PLEKHA2: variants seen among roughly 807,000 people sequenced by gnomAD.
PLEKHA2 encodes the protein pleckstrin homology domain-containing family A member 2.
A neutral mutation model predicts 53.2 loss-of-function variants in PLEKHA2; 28 were observed. That is an observed-to-expected ratio of 0.53 (90% CI 0.39 to 0.72). The LOEUF (loss-of-function observed/expected upper bound fraction) is 0.72. Ranked by LOEUF, PLEKHA2 falls within the 30% of genes least tolerant of loss-of-function variation. The pLI is 0.00. For missense variants in PLEKHA2, 426 were observed against 537.9 expected (o/e 0.79, Z 2.06); for synonymous variants, 193 against 196.4 (o/e 0.98, Z 0.14).
At chr8:38,953,032 G>C (rs887193237) in intron 8 of PLEKHA2, among the ~76,000 whole-genome samples, 11 of 152,138 alleles carry the variant, frequency 7.2e-5, no homozygotes, top group Admixed American at 5.9e-4. Flanking sequence ...GTAGAGACAG[G>C]ATTTCACTAT....
At chr8:38,904,910 G>A (rs1380137441) in intron 1 of PLEKHA2, among the ~76,000 whole-genome samples, 1 of 152,118 alleles carries the variant, frequency 6.6e-6, no homozygotes, top group African/African-American at 2.4e-5. Flanking sequence ...CCAATGTCTG[G>A]GTGTCCAGCA....
At position 38,950,672 on chromosome 8, in the gene PLEKHA2, C is replaced by T. The variant is rs983813444; in HGVS notation, c.346-178C>T. 3.9e-5 allele frequency: 25 copies of T among 636,810 alleles called. No homozygotes were observed. In the East Asian group the frequency reaches 5.7e-4, roughly 14 times the overall value. The allele number at this position is 636,810 out of a possible 1,614,324, so 39.4% of individuals were successfully genotyped here. A position where few individuals can be genotyped will look rare whatever the true frequency, so the allele number is the denominator to read the frequency against. ...AGTTTGTATCTGTGTAGGGGGAGGG[C>T]GTTGCTGGTTGAGATGCTCATATTC... On this transcript the variant is annotated intron_variant, in intron 5 of 11. Transcript: ENST00000617275.
intron 6 of PLEKHA2, 95 bp from the exon 7 acceptor site, chr8:38,952,071 G>A (rs1834853845): frequency 7.0e-7 from 1 of 1,438,274 alleles, no homozygotes. Flanking sequence ...TTTGACTTAG[G>A]GCAAAGAGGC....
chr8:38,959,439 C>T (rs1380949375), intron 10 of PLEKHA2, among the ~76,000 whole-genome samples: 2 of 152,148 alleles, frequency 1.3e-5, no homozygotes, highest in African/African-American at 4.8e-5. Flanking sequence ...AGAGGTTAAA[C>T]AAAGGGCTTG....
At chr8:38,948,973 C>T (rs1027843774) in intron 5 of PLEKHA2, among the ~76,000 whole-genome samples, 4 of 152,054 alleles carry the variant, frequency 2.6e-5, no homozygotes, top group Admixed American at 1.3e-4. Flanking sequence ...TGGGTTCAAG[C>T]GATTCTCCTG....
chr8:38,906,882 C>T (rs760772850), intron 1 of PLEKHA2, among the ~76,000 whole-genome samples: 18 of 152,128 alleles, frequency 1.2e-4, no homozygotes, highest in Admixed American at 2.0e-4. Context: ...TGACATGGTC[C>T]GTATGTATTC....
chr8:38,950,563 T>G, intron 5 of PLEKHA2: 1 of 293,764 alleles, frequency 3.4e-6, no homozygotes, highest in Non-Finnish European at 6.3e-6. Context: ...GGGACCCACG[T>G]GTGTTTCGCT....
intron 2 of PLEKHA2, among the ~76,000 whole-genome samples, chr8:38,930,486 G>A (rs1437211840): frequency 2.0e-5 from 3 of 152,180 alleles, no homozygotes; most frequent in Admixed American, 6.5e-5. Context: ...TTACAGGCGT[G>A]AGCCACCACG....
rs574597249 is a variant in PLEKHA2, at chr8:38,907,322, ATTAT to A, written c.-24+5882_-24+5885del. Reference sequence around the variant, plus strand: ...TTTATCTCTGTTATCACTTTCTCTTATTATTTATCTCAAAAATGCTAAAGTAGTC... The same window carrying A: ...TTTATCTCTGTTATCACTTTCTCTTATTATCTCAAAAATGCTAAAGTAGTC... On this transcript the variant is annotated intron_variant, in intron 1 of 11. Transcript: ENST00000617275. Among the ~76,000 whole-genome samples, 913 of 152,248 alleles carry A rather than the reference ATTAT, an allele frequency of 6.0e-3. 3 individuals carry two copies. Among genetic ancestry groups the A allele is most frequent in the Admixed American group, 0.017 (253 of 15,286 alleles).
chr8:38,942,548 A>G (rs1834631607), intron 3 of PLEKHA2, among the ~76,000 whole-genome samples: 1 of 152,038 alleles, frequency 6.6e-6, no homozygotes, highest in Non-Finnish European at 1.5e-5. Context: ...CTGGAGGGGG[A>G]TGGAGAGAAT....
In PLEKHA2 at chr8:38,901,439, C is replaced by CG. The variant is rs71216693; in HGVS notation, c.-24+1dup. 133,707 of 150,772 alleles carry CG rather than the reference C, an allele frequency of 0.89. 59,811 individuals carry two copies. The highest frequency in any genetic ancestry group is 1 in the East Asian group (4,967 of 4,982). The allele number at this position is 150,772 out of a possible 1,614,324, so 9.3% of individuals were successfully genotyped here. A position where few individuals can be genotyped will look rare whatever the true frequency, so the allele number is the denominator to read the frequency against. ...CCCCGCCCGAGCCCCGGCCCCTGCACGGGGGGGTAAGTTGGGCGCCCTCGC... is the reference window on the plus strand; with the variant it reads ...CCCCGCCCGAGCCCCGGCCCCTGCACGGGGGGGGTAAGTTGGGCGCCCTCGC... On this transcript the variant is annotated 5_prime_UTR_variant, in exon 1 of 12. Transcript: ENST00000617275.
chr8:38,940,325 G>GAA (rs1834581464), intron 3 of PLEKHA2, among the ~76,000 whole-genome samples: 1 of 152,110 alleles, frequency 6.6e-6, no homozygotes, highest in South Asian at 2.1e-4. Context: ...CTTGAACCTG[G>GAA]GGGGCGGAGG....
chr8:38,960,881 A>G (rs903724230), intron 10 of PLEKHA2: 2 of 152,256 alleles, frequency 1.3e-5, no homozygotes, highest in African/African-American at 4.8e-5. Context: ...TTACATTAAA[A>G]TCCATTGGTC....
chr8:38,968,525 T>A (rs1337966158), intron 10 of PLEKHA2, 67 bp from the exon 11 acceptor site: 10 of 1,482,736 alleles, frequency 6.7e-6, no homozygotes, highest in Non-Finnish European at 9.4e-6. Flanking sequence ...TAATATTGAG[T>A]CAGAGACTTG....
chr8:38,950,285 T>C (rs575528577), intron 5 of PLEKHA2, among the ~76,000 whole-genome samples: 2 of 152,192 alleles, frequency 1.3e-5, no homozygotes, highest in East Asian at 1.9e-4. Flanking sequence ...CCTCCTGCCT[T>C]GGCCTCCCAA....
At chr8:38,940,378 G>A (rs569347854) in intron 3 of PLEKHA2, among the ~76,000 whole-genome samples, 1 of 152,224 alleles carries the variant, frequency 6.6e-6, no homozygotes, top group South Asian at 2.1e-4. Context: ...CAGCCTGGGT[G>A]ACAGAGCAAG....
rs1352442507 is a variant in PLEKHA2, at chr8:38,901,458, C to A, written c.-24+13C>A. On this transcript the variant is annotated intron_variant, in intron 1 of 11. Coordinates refer to ENST00000617275, the MANE Select transcript of PLEKHA2 (RefSeq NM_021623.2). Reference sequence around the variant, plus strand: ...CCTGCACGGGGGGGTAAGTTGGGCGCCCTCGCGGGCTCGGGAGTGGAGAGG... The same window carrying A: ...CCTGCACGGGGGGGTAAGTTGGGCGACCTCGCGGGCTCGGGAGTGGAGAGG... The A allele has an allele frequency of 6.6e-6, 1 of 151,420 alleles. No homozygotes were observed. Among genetic ancestry groups the A allele is most frequent in the Non-Finnish European group, 1.5e-5 (1 of 67,872 alleles). 9.4% of individuals were successfully genotyped at this position (151,420 alleles called of 1,614,324 possible).
intron 2 of PLEKHA2, among the ~76,000 whole-genome samples, chr8:38,920,602 T>A (rs1388556035): frequency 6.8e-6 from 1 of 147,616 alleles, no homozygotes; most frequent in Non-Finnish European, 1.5e-5. Flanking sequence ...TTTGGGATCT[T>A]ACTCCGTTGC....
chr8:38,942,024 C>A (rs191810297), intron 3 of PLEKHA2, among the ~76,000 whole-genome samples: 9 of 152,106 alleles, frequency 5.9e-5, no homozygotes, highest in African/African-American at 1.9e-4. Context: ...ATTGTTAGAC[C>A]CTAACTGCTG....
Sources: allele counts gnomAD v4.1 joint callset (sites outside exome capture counted in the v4.1 genomes callset), GRCh38; gene constraint gnomAD v4.1.1; transcripts MANE v1.5; gene names NCBI Gene and HGNC (gene_info 2026-07-23, HGNC 2026-07-21).